The following BICC1 variants were observed in gnomAD, a reference collection of about 807,000 sequenced individuals.
BICC1 encodes the protein protein bicaudal C homolog 1.
BICC1 carries 43 observed loss-of-function variants against 111.0 expected under a neutral mutation model. The ratio of observed to expected loss-of-function variants is 0.39; its 90% CI spans 0.30 to 0.50. The LOEUF is 0.50. Ranked by LOEUF, BICC1 falls within the 20% of genes least tolerant of loss-of-function variation. The pLI, the probability that BICC1 is intolerant of heterozygous loss-of-function variation, is 0.88. For missense variants in BICC1, 1,091 were observed against 1,203.2 expected, an observed-to-expected ratio of 0.91 and a Z score of 1.38; for synonymous variants, 467 against 434.4, an observed-to-expected ratio of 1.07 and a Z score of -0.93.
intron 2 of BICC1, among the ~76,000 whole-genome samples, chr10:58,659,865 A>ATAT (rs1367214822): frequency 1.3e-5 from 2 of 152,198 alleles, no homozygotes; most frequent in Admixed American, 1.3e-4. Flanking sequence ...AGGTAAAAAT[A>ATAT]TATTATTATA....
At chr10:58,570,796 A>G (rs1843925863) in intron 1 of BICC1, among the ~76,000 whole-genome samples, 1 of 152,194 alleles carries the variant, frequency 6.6e-6, no homozygotes, top group Admixed American at 6.6e-5. Context: ...CTGAACCCGT[A>G]TAACCTGGAA....
chr10:58,549,796 C>T (rs1048210006), intron 1 of BICC1, among the ~76,000 whole-genome samples: 34 of 151,870 alleles, frequency 2.2e-4, no homozygotes, highest in African/African-American at 7.5e-4. Context: ...AGCGATTCTC[C>T]TGTCTCAGCC....
chr10:58,780,522 C>T (rs912471401), intron 3 of BICC1, among the ~76,000 whole-genome samples: 4 of 152,106 alleles, frequency 2.6e-5, no homozygotes, highest in African/African-American at 9.7e-5. Context: ...CTAAATTCAT[C>T]ATGTGTCTAT....
intron 11 of BICC1, 90 bp from the exon 12 acceptor site, chr10:58,798,966 G>A: frequency 9.7e-7 from 1 of 1,028,026 alleles, no homozygotes; most frequent in Non-Finnish European, 1.4e-6. Context: ...TGAACTTGCA[G>A]CAACAAAAAT....
chr10:58,606,741 T>C (rs1186238463), intron 1 of BICC1, among the ~76,000 whole-genome samples: 1 of 152,146 alleles, frequency 6.6e-6, no homozygotes, highest in Non-Finnish European at 1.5e-5. Flanking sequence ...CAGAAGCATA[T>C]GCTTTGAGTA....
In BICC1 at chr10:58,580,475, G is replaced by A. The variant is rs1005610379; in HGVS notation, c.191-40380G>A. 5.3e-5 allele frequency among the ~76,000 whole-genome samples: 8 copies of A among 152,014 alleles called. No homozygotes were observed. In the East Asian group the frequency reaches 1.5e-3, roughly 29 times the overall value. ...TTCAGATTTCAAATTTTTGGACTTGGGATGCTTAACTGGTAAGTAAATAAT... is the reference window on the plus strand; with the variant it reads ...TTCAGATTTCAAATTTTTGGACTTGAGATGCTTAACTGGTAAGTAAATAAT... On this transcript the variant is annotated intron_variant, in intron 1 of 20. Transcript: ENST00000373886.
At chr10:58,534,149 CT>C (rs2131861971) in intron 1 of BICC1, among the ~76,000 whole-genome samples, 1 of 151,766 alleles carries the variant, frequency 6.6e-6, no homozygotes, top group African/African-American at 2.4e-5. Context: ...CAAAAATAGA[CT>C]TTATAGAAAA....
chr10:58,827,735 T>C (rs1844439861), intron 20 of BICC1, among the ~76,000 whole-genome samples: 1 of 152,044 alleles, frequency 6.6e-6, no homozygotes, highest in Non-Finnish European at 1.5e-5. Context: ...ACTAGTACCA[T>C]ATAGAAACAT....
chr10:58,787,356 C>T (rs1045960123), intron 5 of BICC1, among the ~76,000 whole-genome samples: 1 of 152,156 alleles, frequency 6.6e-6, no homozygotes, highest in Non-Finnish European at 1.5e-5. Flanking sequence ...TAAAGAAAGG[C>T]TGAGAGAGCA....
chr10:58,818,075 G>A (rs1276941843), intron 19 of BICC1, among the ~76,000 whole-genome samples: 1 of 152,110 alleles, frequency 6.6e-6, no homozygotes, highest in African/African-American at 2.4e-5. Context: ...TTTTGAATCT[G>A]TTGTTATCTT....
chr10:58,739,343 A>G (rs925982604), intron 3 of BICC1, among the ~76,000 whole-genome samples: 2 of 152,042 alleles, frequency 1.3e-5, no homozygotes, highest in African/African-American at 2.4e-5. Flanking sequence ...AGATAATCAT[A>G]TGGTTTTTGT....
intron 3 of BICC1, among the ~76,000 whole-genome samples, chr10:58,773,917 G>A (rs921328592): frequency 6.6e-6 from 1 of 152,142 alleles, no homozygotes; most frequent in African/African-American, 2.4e-5. Context: ...GGAGACATTG[G>A]AAAATTCTTT....
intron 2 of BICC1, among the ~76,000 whole-genome samples, chr10:58,655,324 G>A (rs1838601703): frequency 1.4e-5 from 2 of 141,066 alleles, no homozygotes; most frequent in South Asian, 4.9e-4. Context: ...AGCATGGAAT[G>A]TTCTTCAATT....
rs139787636 is a variant in BICC1 at position 58,803,116 on chromosome 10, T to G, written c.2055T>G (p.Ala685=). 36 of 1,609,330 alleles carry G rather than the reference T, an allele frequency of 2.2e-5. No homozygotes were observed. In the Admixed American group the frequency reaches 2.9e-4, roughly 13 times the overall value. ...DRLLSDPELS[A]TESPLADKKA... is the part of the protein sequence containing the mutation. ...TGCTCTCAGACCCTGAACTGAGTGC[T>G]ACCGAAAGCCCTTTGGCTGACAAGA... The change falls in exon 15 of 21, where the codon GCT becomes GCG. Residue 685 remains alanine (A), a synonymous_variant. Coordinates refer to ENST00000373886, the MANE Select transcript of BICC1 (RefSeq NM_001080512.3).
intron 2 of BICC1, among the ~76,000 whole-genome samples, chr10:58,674,018 C>T (rs1352251262): frequency 6.6e-6 from 1 of 152,138 alleles, no homozygotes; most frequent in South Asian, 2.1e-4. Flanking sequence ...CACTGTAGGC[C>T]ATATTGTGTT....
intron 1 of BICC1, among the ~76,000 whole-genome samples, chr10:58,576,785 A>G (rs1844125812): frequency 6.6e-6 from 1 of 152,180 alleles, no homozygotes; most frequent in African/African-American, 2.4e-5. Flanking sequence ...TATTTTCCTC[A>G]CTTAATAAGG....
chr10:58,620,897 A>G lies in BICC1; in HGVS notation c.233A>G (p.Gln78Arg). ...GKGRSGEDFF[Q>R]KIMEETNTQI... is the part of the protein sequence containing the mutation. ...GGCAGAAGTGGGGAAGACTTTTTTC[A>G]AAAGGTAAGTTGTCTTTTACTCTTG... Residue 78 changes from glutamine (Q) to arginine (R), a missense_variant, in exon 2 of 21, where the codon CAA (glutamine) becomes CGA (arginine). This residue lies in a region of BICC1 where 843 missense variants were observed against 900.8 expected (regional missense o/e 0.94). Transcript: ENST00000373886. 6.2e-7 allele frequency: 1 copy of G among 1,613,454 alleles called. No homozygotes were observed. The highest frequency in any genetic ancestry group is 8.5e-7 in the Non-Finnish European group (1 of 1,179,672).
At chr10:58,569,491 A>G (rs576591763) in intron 1 of BICC1, among the ~76,000 whole-genome samples, 21 of 152,234 alleles carry the variant, frequency 1.4e-4, no homozygotes, top group African/African-American at 4.8e-4. Flanking sequence ...CGCTGCACCC[A>G]TCAGCCCATC....
At chr10:58,617,586 C>T (rs1268318028) in intron 1 of BICC1, among the ~76,000 whole-genome samples, 11 of 152,346 alleles carry the variant, frequency 7.2e-5, no homozygotes, top group African/African-American at 2.2e-4. Context: ...CTAGTACTGA[C>T]GCCATATGGT....
Sources: allele counts gnomAD v4.1 joint callset (sites outside exome capture counted in the v4.1 genomes callset), GRCh38; gene constraint gnomAD v4.1.1; regional missense constraint gnomAD v4.1.1; transcripts MANE v1.5; gene names NCBI Gene and HGNC (gene_info 2026-07-23, HGNC 2026-07-21).